UBE2Z: variants seen among roughly 807,000 people sequenced by gnomAD.
The protein encoded by UBE2Z is ubiquitin conjugating enzyme E2 Z.
In UBE2Z, 10 loss-of-function variants were observed where a neutral mutation model predicts 32.6. The ratio of observed to expected loss-of-function variants is 0.31; its 90% CI spans 0.19 to 0.52. The LOEUF is 0.52. Ranked by LOEUF, UBE2Z falls within the 20% of genes least tolerant of loss-of-function variation. The probability of loss-of-function intolerance (pLI) is 0.97; values close to 1 mark genes in which losing one functional copy is unlikely to be tolerated. For missense variants in UBE2Z, 343 were observed against 480.9 expected (o/e 0.71, Z 2.68); for synonymous variants, 183 against 190.8 (o/e 0.96, Z 0.34).
chr17:48,921,008 G>T (rs975129730), intron 4 of UBE2Z, among the ~76,000 whole-genome samples, 152 bp from the exon 5 acceptor site: 3 of 152,006 alleles, frequency 2.0e-5, no homozygotes, highest in Admixed American at 6.6e-5. Context: ...ATAAAGGTGT[G>T]GTTGCTCTTC....
chr17:48,913,260 A>ATC (rs1326020271), intron 3 of UBE2Z, among the ~76,000 whole-genome samples: 1 of 152,080 alleles, frequency 6.6e-6, no homozygotes, highest in African/African-American at 2.4e-5. Context: ...GGCCCTGAGC[A>ATC]TCTGGGAACT....
At chr17:48,925,019 A>C (rs1227744174) in intron 6 of UBE2Z, among the ~76,000 whole-genome samples, 1 of 152,010 alleles carries the variant, frequency 6.6e-6, no homozygotes, top group Non-Finnish European at 1.5e-5. Context: ...GCAATGGCTC[A>C]TGCCTGTGAT....
At chr17:48,918,755 T>C (rs942250184) in intron 4 of UBE2Z, among the ~76,000 whole-genome samples, 1 of 149,320 alleles carries the variant, frequency 6.7e-6, no homozygotes, top group African/African-American at 2.5e-5. Flanking sequence ...TCTTTTTTTT[T>C]TTTTTTTTGG....
intron 4 of UBE2Z, among the ~76,000 whole-genome samples, chr17:48,920,830 A>C (rs540087282): frequency 1.3e-5 from 2 of 152,002 alleles, no homozygotes; most frequent in East Asian, 3.9e-4. Context: ...AGGCTTAGCA[A>C]CCCTACCATC....
chr17:48,919,335 T>G (rs1455387131), intron 4 of UBE2Z, among the ~76,000 whole-genome samples: 2 of 152,038 alleles, frequency 1.3e-5, no homozygotes, highest in Non-Finnish European at 2.9e-5. Context: ...GGGTTGGTGG[T>G]AAGAGGAGAA....
chr17:48,926,644 G>A (rs1294193059), intron 6 of UBE2Z, among the ~76,000 whole-genome samples: 1 of 152,038 alleles, frequency 6.6e-6, no homozygotes, highest in East Asian at 1.9e-4. Flanking sequence ...ACGACACCCG[G>A]CTAATTTTGC....
rs1598071932 is a variant in UBE2Z at position 48,912,880 on chromosome 17, G to T, written c.437G>T (p.Gly146Val). 1.2e-6 allele frequency: 2 copies of T among 1,613,704 alleles called. No homozygotes were observed. Among genetic ancestry groups the T allele is most frequent in the Non-Finnish European group, 1.7e-6 (2 of 1,179,866 alleles). ...CCATTTGACACTCCTTATGAAGGGGGTTTCTTCCTGTTCGTGTTTCGGTGT... is the reference window on the plus strand; with the variant it reads ...CCATTTGACACTCCTTATGAAGGGGTTTTCTTCCTGTTCGTGTTTCGGTGT... ...TGPFDTPYEG[G>V]FFLFVFRCPP... The change falls in exon 3 of 7, where the codon GGT becomes GTT. Residue 146 changes from glycine (G) to valine (V), a missense_variant. Gly to Val is a moderately radical substitution (Grantham distance 109, BLOSUM62 -3). This residue lies in a region of UBE2Z where 182 missense variants were observed against 312.4 expected (regional missense o/e 0.58). Transcript: ENST00000360943.
intron 2 of UBE2Z, chr17:48,912,085 T>C (rs542145584): frequency 2.0e-5 from 3 of 147,222 alleles, no homozygotes; most frequent in East Asian, 2.1e-4. Context: ...TTAAACAGTA[T>C]TGGGGAAAGT....
chr17:48,909,098 T>G (rs1408635364), intron 1 of UBE2Z: 1 of 74,838 alleles, frequency 1.3e-5, no homozygotes. Flanking sequence ...CCGGCCACCC[T>G]CCCCCACACC....
chr17:48,916,052 C>G lies in UBE2Z; in HGVS notation c.579-24C>G, dbSNP rs761780015. 5 of 1,539,524 alleles carry G rather than the reference C, an allele frequency of 3.2e-6. No individual in the cohort carries two copies. The African/African-American group carries it at 4.2e-5, about 13-fold the overall frequency. On this transcript the variant is annotated intron_variant, in intron 3 of 6. Transcript: ENST00000360943. The stretch of plus-strand genomic sequence containing the variant: ...CCCTATTCTTTCTCTGCCTCACCCT[C>G]CATTCCTTCTGATGTGTTTACAGTA...
chr17:48,908,946 G>A (rs2040651497), intron 1 of UBE2Z, 126 bp downstream of exon 1: 5 of 668,430 alleles, frequency 7.5e-6, no homozygotes, highest in Non-Finnish European at 1.0e-5. Context: ...CACCTCCACG[G>A]CCCAAATCTT....
At position 48,908,452 on chromosome 17, in the gene UBE2Z, G is replaced by A. The variant is rs2040645407; in HGVS notation, c.-52G>A. The A allele has an allele frequency of 8.2e-7, 1 of 1,220,240 alleles. No individual in the cohort carries two copies. The highest frequency in any genetic ancestry group is 1.0e-6 in the Non-Finnish European group (1 of 978,798). 75.6% of individuals were successfully genotyped at this position (1,220,240 alleles called of 1,614,324 possible). A position where few individuals can be genotyped will look rare whatever the true frequency, so the allele number is the denominator to read the frequency against. On this transcript the variant is annotated 5_prime_UTR_variant, in exon 1 of 7. Transcript: ENST00000360943. The stretch of plus-strand genomic sequence containing the variant: ...GGTGCGGGAGCGGGCGGGAGCAGCG[G>A]CCGCTCTGGTCGGCGGACGTGCTGC...
intron 2 of UBE2Z, chr17:48,911,672 T>C (rs550892255): frequency 2.0e-5 from 3 of 152,334 alleles, no homozygotes; most frequent in African/African-American, 7.2e-5. Context: ...TCATATTTTT[T>C]TTTTATGTAG....
At chr17:48,912,631 C>A in intron 2 of UBE2Z, 1 of 552,740 alleles carries the variant, frequency 1.8e-6, no homozygotes, top group Non-Finnish European at 3.2e-6. Context: ...GATGTCATTC[C>A]ACTGTAATGA....
chr17:48,926,524 G>T (rs1464730345), intron 6 of UBE2Z, among the ~76,000 whole-genome samples: 1 of 149,580 alleles, frequency 6.7e-6, no homozygotes, highest in Non-Finnish European at 1.5e-5. Context: ...TGCCCAGGCT[G>T]GAGTGTAATG....
intron 4 of UBE2Z, among the ~76,000 whole-genome samples, chr17:48,920,584 G>C (rs1598075721): frequency 6.6e-6 from 1 of 151,860 alleles, no homozygotes; most frequent in African/African-American, 2.4e-5. Context: ...GAGGTGGGAG[G>C]ATCGCTAGAG....
chr17:48,911,180 G>C, intron 2 of UBE2Z: 1 of 356,858 alleles, frequency 2.8e-6, no homozygotes, highest in Non-Finnish European at 5.3e-6. Context: ...CTCCTGTTTG[G>C]ATAATAAATT....
intron 6 of UBE2Z, among the ~76,000 whole-genome samples, chr17:48,926,723 C>G (rs192584641): frequency 6.6e-6 from 1 of 152,112 alleles, no homozygotes; most frequent in Non-Finnish European, 1.5e-5. Flanking sequence ...TCAGGTGATC[C>G]GCCCGCCTCG....
intron 3 of UBE2Z, chr17:48,915,766 A>G: frequency 3.6e-6 from 1 of 277,094 alleles, no homozygotes; most frequent in Non-Finnish European, 6.8e-6. Flanking sequence ...CTTTGGAGCT[A>G]ATTGCTTACC....
Sources: gnomAD v4.1 joint callset for allele counts (sites outside exome capture counted in the v4.1 genomes callset) on GRCh38, gnomAD v4.1.1 for gene constraint, gnomAD v4.1.1 regional missense constraint, MANE v1.5 for transcripts, NCBI Gene and HGNC (gene_info 2026-07-23, HGNC 2026-07-21) for gene names.